The following OSBPL9 variants were observed in gnomAD, a reference collection of about 807,000 sequenced individuals.
OSBPL9 encodes the protein oxysterol binding protein like 9, also known as oxysterol-binding protein-related protein 9.
OSBPL9 carries 40 observed loss-of-function variants against 106.6 expected under a neutral mutation model. The observed-to-expected ratio is 0.38, with a 90% CI of 0.29 to 0.49. The LOEUF (loss-of-function observed/expected upper bound fraction) is 0.49. Among genes scored for constraint, OSBPL9 ranks in the 20% least tolerant of loss-of-function variants. The pLI is 0.97. For synonymous variants in OSBPL9, 269 were observed against 295.4 expected, an observed-to-expected ratio of 0.91 and a Z score of 0.92; for missense variants, 609 against 887.2, an observed-to-expected ratio of 0.69 and a Z score of 3.98.
At chr1:51,576,552 G>A (rs557215259), upstream of OSBPL9, among the ~76,000 whole-genome samples, 1 of 152,016 alleles carries the variant, frequency 6.6e-6, no homozygotes, top group African/African-American at 2.4e-5. Flanking sequence ...TTTTGGGACA[G>A]GGTCTTGCTC....
chr1:51,618,092 A>G (rs910875988), intron 1 of OSBPL9, among the ~76,000 whole-genome samples: 2 of 151,348 alleles, frequency 1.3e-5, no homozygotes, highest in Non-Finnish European at 2.9e-5. Flanking sequence ...ATCTCGGCTC[A>G]CTGCAACTTC....
the OSBPL9 span, among the ~76,000 whole-genome samples, chr1:51,552,787 G>A: frequency 6.6e-6 from 1 of 151,850 alleles, no homozygotes; most frequent in Non-Finnish European, 1.5e-5. Flanking sequence ...ACCATGCCCG[G>A]CTAATTTTTT....
At chr1:51,777,253 G>A (rs888658571) in intron 15 of OSBPL9, among the ~76,000 whole-genome samples, 9 of 152,160 alleles carry the variant, frequency 5.9e-5, no homozygotes, top group Non-Finnish European at 1.5e-5. Context: ...TTAATTTTCT[G>A]AGTTCAGCAA....
At chr1:51,661,959 G>C (rs1416226045) in intron 2 of OSBPL9, among the ~76,000 whole-genome samples, 1 of 152,152 alleles carries the variant, frequency 6.6e-6, no homozygotes, top group African/African-American at 2.4e-5. Flanking sequence ...GGCTGTGGCG[G>C]AGAGTGACCA....
At chr1:51,606,170 A>G (rs1452421914) in intron 2 of OSBPL9, among the ~76,000 whole-genome samples, 3 of 152,218 alleles carry the variant, frequency 2.0e-5, no homozygotes, top group Admixed American at 1.3e-4. Context: ...GAGACCAGTT[A>G]GTAGCAGTGG....
chr1:51,619,507 ATAT>A (rs138102148), intron 1 of OSBPL9, among the ~76,000 whole-genome samples: 1,943 of 152,272 alleles, frequency 0.013, 40 homozygotes, highest in African/African-American at 0.042. Flanking sequence ...ATTCCCTAAA[ATAT>A]TATCCTTGCC....
chr1:51,662,558 A>G (rs1160443145), intron 2 of OSBPL9, among the ~76,000 whole-genome samples: 1 of 152,172 alleles, frequency 6.6e-6, no homozygotes, highest in Non-Finnish European at 1.5e-5. Flanking sequence ...GTCCTAGCCA[A>G]TGAATAAAGC....
intron 7 of OSBPL9, chr1:51,749,544 C>T (rs780251766): frequency 2.4e-6 from 1 of 412,290 alleles, no homozygotes; most frequent in South Asian, 1.7e-5. Flanking sequence ...CTCCTAGCCT[C>T]AAGCGATCCT....
chr1:51,575,352 C>T (rs1005753103), upstream of OSBPL9, among the ~76,000 whole-genome samples: 6 of 151,432 alleles, frequency 4.0e-5, no homozygotes, highest in Admixed American at 3.9e-4. Flanking sequence ...AGGTGCCCGC[C>T]ACCTCACCCG....
the OSBPL9 span, among the ~76,000 whole-genome samples, chr1:51,553,500 C>T: frequency 1.8e-3 from 267 of 151,820 alleles, no homozygotes; most frequent in African/African-American, 6.4e-3. Flanking sequence ...GGCCAAGAAG[C>T]AAGACCCTGT....
At chr1:51,651,201 T>A (rs1418257742) in intron 1 of OSBPL9, among the ~76,000 whole-genome samples, 1 of 152,146 alleles carries the variant, frequency 6.6e-6, no homozygotes, top group Admixed American at 6.5e-5. Flanking sequence ...TGAGGGACAT[T>A]GGATGAGAAG....
At chr1:51,677,280 T>A (rs1025135026) in intron 3 of OSBPL9, among the ~76,000 whole-genome samples, 1 of 152,206 alleles carries the variant, frequency 6.6e-6, no homozygotes, top group African/African-American at 2.4e-5. Flanking sequence ...GTTAAACATG[T>A]TATTCCAATT....
chr1:51,739,488 A>G (rs570477116), intron 4 of OSBPL9, among the ~76,000 whole-genome samples: 120 of 152,068 alleles, frequency 7.9e-4, no homozygotes, highest in Non-Finnish European at 1.2e-3. Flanking sequence ...GCAGTTGGTA[A>G]GGTAACTACA....
At chr1:51,594,547 T>G (rs1317797599) in intron 1 of OSBPL9, among the ~76,000 whole-genome samples, 1 of 152,254 alleles carries the variant, frequency 6.6e-6, no homozygotes, top group Non-Finnish European at 1.5e-5. Flanking sequence ...AAACGTTTAC[T>G]GCATGCCAAC....
intron 20 of OSBPL9, 65 bp from the exon 21 acceptor site, chr1:51,785,743 C>G: frequency 1.4e-6 from 2 of 1,419,818 alleles, no homozygotes; most frequent in Non-Finnish European, 2.0e-6. Context: ...TTGGGCCACA[C>G]TGAGCAGATT....
At chr1:51,686,899 TC>T (rs1414574627) in intron 3 of OSBPL9, among the ~76,000 whole-genome samples, 1 of 152,248 alleles carries the variant, frequency 6.6e-6, no homozygotes, top group Non-Finnish European at 1.5e-5. Context: ...TCATATTTAC[TC>T]CTTCTTTGCA....
rs535959123 is a variant in OSBPL9 at position 51,737,854 on chromosome 1, T to C, written c.319-7682T>C. On this transcript the variant is annotated intron_variant, in intron 4 of 23. Transcript: ENST00000428468. Reference sequence around the variant, plus strand: ...TTTTATATGCCTTTCATAACATTTGTGTCTTAAAAATCCTAGCTATATCCT... The same window carrying C: ...TTTTATATGCCTTTCATAACATTTGCGTCTTAAAAATCCTAGCTATATCCT... 1.5e-3 allele frequency among the ~76,000 whole-genome samples: 233 copies of C among 152,198 alleles called. 1 individual carries two copies. The highest frequency in any genetic ancestry group is 5.2e-3 in the African/African-American group (218 of 41,560).
At chr1:51,744,701 C>T (rs531316290) in intron 4 of OSBPL9, among the ~76,000 whole-genome samples, 37 of 152,286 alleles carry the variant, frequency 2.4e-4, no homozygotes, top group African/African-American at 7.9e-4. Context: ...TCCTAACCCT[C>T]AGTCCCCTGC....
chr1:51,526,027 C>T, the OSBPL9 span, among the ~76,000 whole-genome samples: 1 of 152,150 alleles, frequency 6.6e-6, no homozygotes, highest in African/African-American at 2.4e-5. Context: ...CAGGTTCACA[C>T]CACCACACCC....
Sources: gnomAD v4.1 joint callset for allele counts (sites outside exome capture counted in the v4.1 genomes callset) on GRCh38, gnomAD v4.1.1 for gene constraint, MANE v1.5 for transcripts, NCBI Gene and HGNC (gene_info 2026-07-23, HGNC 2026-07-21) for gene names.